Variants in ROBO1 observed in about 807,000 individuals in gnomAD.
ROBO1 encodes roundabout homolog 1.
A neutral mutation model predicts 195.9 loss-of-function variants in ROBO1; 149 were observed. The ratio of observed to expected loss-of-function variants is 0.76; its 90% CI spans 0.67 to 0.87. The LOEUF (loss-of-function observed/expected upper bound fraction) is 0.87, where lower values mean the gene tolerates loss of function less well. ROBO1 is among the 40% of genes least tolerant of loss of function. The pLI is 0.00. For synonymous variants in ROBO1, 816 were observed against 733.2 expected, an observed-to-expected ratio of 1.11 and a Z score of -1.82; for missense variants, 1,933 against 2,068.3, an observed-to-expected ratio of 0.93 and a Z score of 1.27.
At chr3:79,137,676 C>T (rs1446338150) in intron 2 of ROBO1, among the ~76,000 whole-genome samples, 3 of 151,986 alleles carry the variant, frequency 2.0e-5, no homozygotes, top group South Asian at 2.1e-4. Context: ...ATACTGAAAC[C>T]GAATCTCAGA....
intron 2 of ROBO1, among the ~76,000 whole-genome samples, chr3:79,163,254 C>T (rs903882868): frequency 5.3e-5 from 8 of 152,068 alleles, no homozygotes; most frequent in Non-Finnish European, 1.2e-4. Context: ...ACCTACCTAT[C>T]TCATGTAAGT....
At chr3:78,631,917 G>A (rs1283337314) in intron 24 of ROBO1, among the ~76,000 whole-genome samples, 1 of 152,110 alleles carries the variant, frequency 6.6e-6, no homozygotes, top group Non-Finnish European at 1.5e-5. Flanking sequence ...GATGGCTTAT[G>A]GTAAAATGAT....
chr3:79,116,039 T>G (rs376641749), intron 3 of ROBO1, among the ~76,000 whole-genome samples: 1 of 152,168 alleles, frequency 6.6e-6, no homozygotes, highest in Non-Finnish European at 1.5e-5. Flanking sequence ...AAGTAGTGTA[T>G]GTTTTGAACT....
At chr3:78,695,920 CACTT>C (rs1449573115) in intron 8 of ROBO1, among the ~76,000 whole-genome samples, 1 of 151,794 alleles carries the variant, frequency 6.6e-6, no homozygotes, top group Non-Finnish European at 1.5e-5. Flanking sequence ...TCCTTTCACT[CACTT>C]GAAAAAAATT....
chr3:78,776,800 A>G (rs2083520193), intron 4 of ROBO1, among the ~76,000 whole-genome samples: 3 of 152,208 alleles, frequency 2.0e-5, no homozygotes, highest in Admixed American at 2.0e-4. Flanking sequence ...GCTTTGGACA[A>G]GTTTCTGAAC....
At chr3:78,940,727 C>G (rs1175503290) in intron 3 of ROBO1, among the ~76,000 whole-genome samples, 1 of 152,134 alleles carries the variant, frequency 6.6e-6, no homozygotes, top group East Asian at 1.9e-4. Context: ...ATCAGAATTA[C>G]AATATATAAA....
chr3:78,715,214 TA>T (rs1239960554), intron 7 of ROBO1: 1 of 152,206 alleles, frequency 6.6e-6, no homozygotes, highest in Non-Finnish European at 1.5e-5. Flanking sequence ...TTCTAACTAA[TA>T]ATTAGACATC....
chr3:78,772,428 G>A (rs1287653303), intron 4 of ROBO1, among the ~76,000 whole-genome samples: 2 of 151,982 alleles, frequency 1.3e-5, no homozygotes. Context: ...TTTGTAAAAG[G>A]ACGTAACTAA....
At chr3:79,328,747 A>G (rs770996191) in intron 2 of ROBO1, among the ~76,000 whole-genome samples, 11 of 152,030 alleles carry the variant, frequency 7.2e-5, no homozygotes, top group Non-Finnish European at 1.5e-4. Context: ...CACTGTACCC[A>G]ACGTGTAGGC....
chr3:79,081,062 A>G (rs1016417445), intron 3 of ROBO1, among the ~76,000 whole-genome samples: 4 of 152,184 alleles, frequency 2.6e-5, no homozygotes, highest in Admixed American at 2.6e-4. Context: ...ATAGAAGAAA[A>G]TCGACTTATA....
At chr3:79,004,522 A>G (rs1424837604) in intron 3 of ROBO1, among the ~76,000 whole-genome samples, 1 of 152,158 alleles carries the variant, frequency 6.6e-6, no homozygotes, top group African/African-American at 2.4e-5. Flanking sequence ...TATGTAGAGG[A>G]TGCTAGAGAA....
At chr3:79,749,865 G>C (rs1396268578) in intron 1 of ROBO1, among the ~76,000 whole-genome samples, 1 of 152,242 alleles carries the variant, frequency 6.6e-6, no homozygotes, top group Non-Finnish European at 1.5e-5. Context: ...CAGTGTGGAA[G>C]GGAAATGTGG....
chr3:79,173,309 G>A (rs763232960), intron 2 of ROBO1, among the ~76,000 whole-genome samples: 4 of 152,176 alleles, frequency 2.6e-5, no homozygotes, highest in Non-Finnish European at 2.9e-5. Flanking sequence ...GCTGGAGCCA[G>A]CTCCCTCAGC....
intron 5 of ROBO1, among the ~76,000 whole-genome samples, chr3:78,719,959 A>G (rs1230923854): frequency 1.3e-5 from 2 of 152,180 alleles, no homozygotes; most frequent in East Asian, 1.9e-4. Flanking sequence ...ATTTTAATAT[A>G]AATATATCAT....
chr3:79,639,865 C>A (rs1186418388), intron 1 of ROBO1, among the ~76,000 whole-genome samples: 2 of 152,066 alleles, frequency 1.3e-5, no homozygotes, highest in Non-Finnish European at 2.9e-5. Flanking sequence ...AGGTAATACC[C>A]TTTTTATAGC....
At chr3:79,302,432 CT>C (rs1416723725) in intron 2 of ROBO1, among the ~76,000 whole-genome samples, 1 of 152,104 alleles carries the variant, frequency 6.6e-6, no homozygotes, top group Non-Finnish European at 1.5e-5. Context: ...AGTGTATTTG[CT>C]TTTTGAAATT....
intron 4 of ROBO1, among the ~76,000 whole-genome samples, chr3:78,785,252 A>G (rs1467835807): frequency 6.6e-6 from 1 of 152,186 alleles, no homozygotes; most frequent in Non-Finnish European, 1.5e-5. Context: ...TTAATCTGTA[A>G]AACAATTAGA....
intron 1 of ROBO1, among the ~76,000 whole-genome samples, chr3:79,622,413 C>T (rs73849657): frequency 0.012 from 1,785 of 152,320 alleles, 31 homozygotes; most frequent in African/African-American, 0.041. Flanking sequence ...CTGGGACTCA[C>T]AGCTGCCTAA....
intron 2 of ROBO1, among the ~76,000 whole-genome samples, chr3:79,173,190 C>T (rs2081197229): frequency 6.6e-6 from 1 of 152,002 alleles, no homozygotes; most frequent in African/African-American, 2.4e-5. Context: ...CCCTCACAGC[C>T]CTCACTCGCT....
Sources: gnomAD v4.1 joint callset for allele counts (sites outside exome capture counted in the v4.1 genomes callset) on GRCh38, gnomAD v4.1.1 for gene constraint, MANE v1.5 for transcripts, NCBI Gene and HGNC (gene_info 2026-07-23, HGNC 2026-07-21) for gene names.